Variants in ACACA observed in about 807,000 individuals in gnomAD.
ACACA encodes the protein acetyl-CoA carboxylase 1.
In ACACA, 103 loss-of-function variants were observed where a neutral mutation model predicts 296.1. That is an observed-to-expected ratio of 0.35 (90% CI 0.30 to 0.41). ACACA has a LOEUF of 0.41. Among genes scored for constraint, ACACA ranks in the 10% least tolerant of loss-of-function variants. ACACA has a pLI of 1.00. For synonymous variants in ACACA, 953 were observed against 1,038.6 expected (o/e 0.92, Z 1.58); for missense variants, 1,554 against 2,989.7 (o/e 0.52, Z 11.20).
chr17:37,254,359 A>G (rs2081129957), intron 14 of ACACA, among the ~76,000 whole-genome samples: 1 of 152,146 alleles, frequency 6.6e-6, no homozygotes, highest in African/African-American at 2.4e-5. Context: ...AGCCTAAAAT[A>G]TTATTCTGTT....
At chr17:37,244,933 C>T (rs2080617121) in intron 20 of ACACA, 147 bp downstream of exon 20, 1 of 1,354,490 alleles carries the variant, frequency 7.4e-7, no homozygotes, top group Non-Finnish European at 1.1e-6. Flanking sequence ...TTCCATAATA[C>T]TACAGGCACA....
At chr17:37,367,917 A>G (rs1405424737) in intron 1 of ACACA, among the ~76,000 whole-genome samples, 3 of 152,020 alleles carry the variant, frequency 2.0e-5, no homozygotes, top group Admixed American at 6.6e-5. Context: ...AAAATACAAA[A>G]TTAGCCGGGT....
intron 4 of ACACA, among the ~76,000 whole-genome samples, 185 bp from the exon 5 acceptor site, chr17:37,283,590 A>G (rs1322638899): frequency 6.6e-6 from 1 of 152,240 alleles, no homozygotes; most frequent in African/African-American, 2.4e-5. Flanking sequence ...AGTATCTTTA[A>G]ATGTTAACTA....
rs1177087330 is a variant in ACACA, at chr17:37,095,088, G to T, written c.6891+1908C>A. Among the ~76,000 whole-genome samples, 4 of 152,214 alleles carry T rather than the reference G, an allele frequency of 2.6e-5. 1 individual carries two copies. The South Asian group carries it at 8.3e-4, about 32-fold the overall frequency. The stretch of plus-strand genomic sequence containing the variant: ...GGGCCTATCTACTTGCTTCATGCCT[G>T]GGGGGAAACTTCCTTCTCATCCTTG... On this transcript the variant is annotated intron_variant, in intron 54 of 55. Transcript: ENST00000616317.
intron 40 of ACACA, 70 bp downstream of exon 40, chr17:37,181,131 G>A (rs527819479): frequency 1.5e-5 from 24 of 1,565,210 alleles, no homozygotes; most frequent in African/African-American, 9.5e-5. Flanking sequence ...AGCCAAAACC[G>A]CATCTGATGG....
intron 1 of ACACA, among the ~76,000 whole-genome samples, chr17:37,384,114 A>G (rs375508998): frequency 4.9e-4 from 74 of 152,296 alleles, no homozygotes; most frequent in African/African-American, 1.7e-3. Flanking sequence ...AAATACAAAA[A>G]TTAGCCGGGT....
chr17:37,099,497 GGGAGGAGGGCTGATA>G (rs2073199095), intron 52 of ACACA, among the ~76,000 whole-genome samples: 2 of 142,514 alleles, frequency 1.4e-5, no homozygotes, highest in African/African-American at 2.6e-5. Flanking sequence ...GAGGGCTGAT[GGGAGGAGGGCTGATA>G]GCAGGAGGGC....
At chr17:37,161,069 C>A (rs1433478784) in intron 42 of ACACA, among the ~76,000 whole-genome samples, 1 of 152,162 alleles carries the variant, frequency 6.6e-6, no homozygotes, top group East Asian at 1.9e-4. Context: ...GTGGATATAG[C>A]AATCACCAAG....
chr17:37,206,591 T>C (rs1348698467), intron 32 of ACACA, among the ~76,000 whole-genome samples, 192 bp downstream of exon 32: 1 of 152,128 alleles, frequency 6.6e-6, no homozygotes, highest in Admixed American at 6.5e-5. Flanking sequence ...ATTAATATAG[T>C]TTTTTTAAGT....
Position 37,234,730 on chromosome 17 carries a change from G to A in ACACA, c.3246+245C>T, listed in dbSNP as rs186696365. Among the ~76,000 whole-genome samples the A allele has an allele frequency of 5.2e-3, 799 of 152,274 alleles. 9 individuals are homozygous for A. Among genetic ancestry groups the A allele is most frequent in the African/African-American group, 0.018 (751 of 41,560 alleles). Reference sequence around the variant, plus strand: ...AGGCATTTCTAAACAGAGTTAGGAGGTATAAGTTCCTGTGAATGAGTATAT... The same window carrying A: ...AGGCATTTCTAAACAGAGTTAGGAGATATAAGTTCCTGTGAATGAGTATAT... On this transcript the variant is annotated intron_variant, in intron 25 of 55. Transcript: ENST00000616317.
At chr17:37,247,883 T>C (rs2146035058) in intron 18 of ACACA, 128 bp downstream of exon 18, 3 of 1,102,654 alleles carry the variant, frequency 2.7e-6, no homozygotes, top group Non-Finnish European at 2.6e-6. Flanking sequence ...TAAGTGCATG[T>C]ACTATTTTTT....
chr17:37,207,827 T>C, intron 30 of ACACA, 27 bp from the exon 31 acceptor site: 1 of 1,612,556 alleles, frequency 6.2e-7, no homozygotes, highest in Non-Finnish European at 8.5e-7. Flanking sequence ...TCACGTTCAT[T>C]AGACAAGGAG....
chr17:37,373,256 C>CT (rs55668294), intron 1 of ACACA, among the ~76,000 whole-genome samples: 20 of 149,456 alleles, frequency 1.3e-4, no homozygotes, highest in Admixed American at 4.7e-4. Flanking sequence ...TGCAGGCTGA[C>CT]TTTTTTTTTT....
chr17:37,300,777 T>C (rs971548093), intron 3 of ACACA, among the ~76,000 whole-genome samples: 6 of 152,194 alleles, frequency 3.9e-5, no homozygotes, highest in African/African-American at 1.4e-4. Context: ...TAATAAAAAA[T>C]GGAAGTCCTG....
At chr17:37,393,870 A>G (rs913856383) in intron 1 of ACACA, among the ~76,000 whole-genome samples, 3 of 152,066 alleles carry the variant, frequency 2.0e-5, no homozygotes, top group African/African-American at 4.8e-5. Context: ...GACTTTATAG[A>G]AATTCACAGA....
At chr17:37,272,010 A>G (rs1320597759) in intron 9 of ACACA, among the ~76,000 whole-genome samples, 1 of 152,088 alleles carries the variant, frequency 6.6e-6, no homozygotes, top group Non-Finnish European at 1.5e-5. Context: ...AAAATATTCC[A>G]GTCTTTTAAG....
chr17:37,144,042 T>C, intron 45 of ACACA: 1 of 770,536 alleles, frequency 1.3e-6, no homozygotes, highest in South Asian at 1.4e-5. Flanking sequence ...ACTTCTTTTT[T>C]GTCTCCCCTT....
chr17:37,395,653 T>G (rs1479955486), intron 1 of ACACA, among the ~76,000 whole-genome samples: 2 of 152,050 alleles, frequency 1.3e-5, no homozygotes, highest in Non-Finnish European at 2.9e-5. Context: ...ACCAATTCTC[T>G]TGCCTCAGCC....
intron 1 of ACACA, among the ~76,000 whole-genome samples, chr17:37,361,428 T>TC (rs1363745798): frequency 6.6e-6 from 1 of 152,132 alleles, no homozygotes; most frequent in Non-Finnish European, 1.5e-5. Context: ...ATGTGAAATT[T>TC]CAGCCAGCCC....
Sources: gnomAD v4.1 joint callset for allele counts (sites outside exome capture counted in the v4.1 genomes callset) on GRCh38, gnomAD v4.1.1 for gene constraint, MANE v1.5 for transcripts, NCBI Gene and HGNC (gene_info 2026-07-23, HGNC 2026-07-21) for gene names.